The following IFI16 variants were observed in gnomAD, a reference collection of about 807,000 sequenced individuals.
The protein encoded by IFI16 is interferon gamma inducible protein 16, also known as gamma-interferon-inducible protein 16.
In IFI16, 49 loss-of-function variants were observed where a neutral mutation model predicts 68.4. The ratio of observed to expected loss-of-function variants is 0.72; its 90% CI spans 0.57 to 0.91. The LOEUF is 0.91. Ranked by LOEUF, IFI16 falls within the 40% of genes least tolerant of loss-of-function variation. The pLI, the probability that IFI16 is intolerant of heterozygous loss-of-function variation, is 0.00. For missense variants in IFI16, 878 were observed against 942.9 expected, an observed-to-expected ratio of 0.93 and a Z score of 0.90; for synonymous variants, 307 against 315.0, an observed-to-expected ratio of 0.97 and a Z score of 0.27.
rs774823454 is a variant in IFI16 at position 159,051,779 on chromosome 1, T to G, written c.1766T>G (p.Phe589Cys). 1.2e-6 allele frequency: 2 copies of G among 1,613,944 alleles called. No homozygotes were observed. Among genetic ancestry groups the G allele is most frequent in the South Asian group, 2.2e-5 (2 of 91,082 alleles). ...EVMVLNATESFVYEPKEQKKM... is the reference protein window; with the variant it reads ...EVMVLNATESCVYEPKEQKKM... ...ATGGTGCTGAACGCAACAGAATCAT[T>G]TGTATATGAGCCCAAAGAGCAGAAG... The change falls in exon 10 of 12, where the codon TTT (phenylalanine) becomes TGT (cysteine). Residue 589 changes from phenylalanine to cysteine, a missense_variant. Around this residue, in one of 4 missense-constraint regions of IFI16, gnomAD observed 311 missense variants for 305.1 expected, o/e 1.02. Coordinates refer to ENST00000295809, the MANE Select transcript of IFI16 (RefSeq NM_001376587.1).
At chr1:159,025,149 C>T (rs1490318265) in intron 6 of IFI16, among the ~76,000 whole-genome samples, 1 of 152,130 alleles carries the variant, frequency 6.6e-6, no homozygotes. Context: ...TGTTGCATAT[C>T]CTGGGGCTTG....
chr1:159,008,117 A>C (rs1370517082), upstream of IFI16, among the ~76,000 whole-genome samples: 3 of 152,210 alleles, frequency 2.0e-5, no homozygotes, highest in Admixed American at 2.0e-4. Context: ...AGAAAGGTAA[A>C]ATAGTAAGCT....
chr1:159,036,941 T>C (rs1460591429), intron 7 of IFI16, among the ~76,000 whole-genome samples: 1 of 152,222 alleles, frequency 6.6e-6, no homozygotes, highest in Non-Finnish European at 1.5e-5. Flanking sequence ...TTGTTGTTAT[T>C]GTCCTGTTTG....
chr1:159,043,026 G>A (rs527260681), intron 7 of IFI16, among the ~76,000 whole-genome samples: 4 of 152,202 alleles, frequency 2.6e-5, no homozygotes, highest in East Asian at 1.9e-4. Flanking sequence ...AGCTGCCCCC[G>A]GCCCAGGTTG....
intron 6 of IFI16, among the ~76,000 whole-genome samples, chr1:159,025,349 T>C (rs925586506): frequency 1.3e-5 from 2 of 152,230 alleles, no homozygotes; most frequent in African/African-American, 4.8e-5. Context: ...AAACACCATT[T>C]TATATTTGAC....
At chr1:159,000,495 C>A (rs1652015191) in intron 1 of IFI16, 1 of 152,660 alleles carries the variant, frequency 6.6e-6, no homozygotes, top group African/African-American at 2.4e-5. Context: ...GCAAGATAGT[C>A]CTTCTTCCTG....
At position 159,018,388 on chromosome 1, in the gene IFI16, A is replaced by G. The variant is rs1439911877; in HGVS notation, c.709A>G (p.Thr237Ala). 2 of 1,614,076 alleles carry G rather than the reference A, an allele frequency of 1.2e-6. No individual in the cohort carries two copies. Among genetic ancestry groups the G allele is most frequent in the Non-Finnish European group, 1.7e-6 (2 of 1,180,014 alleles). Reference sequence around the variant, plus strand: ...GTTTCATGCTACAGTGGCTACACAGACACAGTTCTTCCATGTGAAGGTTTT... The same window carrying G: ...GTTTCATGCTACAGTGGCTACACAGGCACAGTTCTTCCATGTGAAGGTTTT... ...IMFHATVATQ[T>A]QFFHVKVLNT... The change falls in exon 5 of 12, where the codon ACA becomes GCA. Residue 237 changes from threonine to alanine, a missense_variant. By Grantham distance (58) the Thr-to-Ala change is moderately conservative. This residue lies in a region of IFI16 where 443 missense variants were observed against 421.8 expected (regional missense o/e 1.05). Transcript: ENST00000295809.
In IFI16 at chr1:159,014,852, G is replaced by C; in HGVS notation, c.172G>C (p.Gly58Arg). 1 of 1,614,036 alleles carries C rather than the reference G, an allele frequency of 6.2e-7. No homozygotes were observed. The highest frequency in any genetic ancestry group is 8.5e-7 in the Non-Finnish European group (1 of 1,179,928). Residue 58 changes from glycine (G) to arginine (R), a missense_variant, in exon 2 of 12, where the codon GGT becomes CGT. Gly to Arg is a moderately radical substitution (Grantham distance 125, BLOSUM62 -2). This residue lies in a region of IFI16 where 65 missense variants were observed against 96.9 expected (regional missense o/e 0.67). Transcript: ENST00000295809. ...TGACTTGATGGAAGAAAAGTTCCGA[G>C]GTGATGCTGGTTTGGGCAAACTAAT... ...IADLMEEKFR[G>R]DAGLGKLIKI...
intron 7 of IFI16, among the ~76,000 whole-genome samples, chr1:159,044,435 T>G (rs1654857313): frequency 6.6e-6 from 1 of 152,148 alleles, no homozygotes; most frequent in African/African-American, 2.4e-5. Context: ...TCAGTGGTGG[T>G]CAGAGACTGT....
At chr1:159,032,392 A>C in intron 6 of IFI16, 132 bp from the exon 7 acceptor site, 1 of 537,160 alleles carries the variant, frequency 1.9e-6, no homozygotes, top group East Asian at 3.3e-5. Context: ...GGAGGGATAC[A>C]TTAGAGAGAG....
chr1:159,013,647 C>G (rs1652725611), intron 1 of IFI16, among the ~76,000 whole-genome samples: 1 of 152,158 alleles, frequency 6.6e-6, no homozygotes, highest in African/African-American at 2.4e-5. Context: ...ACTCTGAAAT[C>G]TACCATGAGA....
intron 6 of IFI16, among the ~76,000 whole-genome samples, chr1:159,025,131 A>G (rs987185404): frequency 6.6e-6 from 1 of 152,218 alleles, no homozygotes. Context: ...AAATAAGCAT[A>G]TAATTTTTGT....
chr1:159,007,103 G>T (rs1557859180), upstream of IFI16, among the ~76,000 whole-genome samples: 5 of 152,326 alleles, frequency 3.3e-5, no homozygotes, highest in South Asian at 8.3e-4. Context: ...GATAAACTTT[G>T]ACTTCTAATT....
chr1:159,004,365 TAAGTAA>T (rs1022278151), upstream of IFI16, among the ~76,000 whole-genome samples: 1 of 152,030 alleles, frequency 6.6e-6, no homozygotes, highest in African/African-American at 2.4e-5. Flanking sequence ...CCCTTATTGC[TAAGTAA>T]ATCTGAGTAA....
intron 7 of IFI16, among the ~76,000 whole-genome samples, chr1:159,037,621 A>G (rs1654405629): frequency 6.6e-6 from 1 of 152,236 alleles, no homozygotes; most frequent in African/African-American, 2.4e-5. Context: ...AACGAAATCT[A>G]CAATCTGCTG....
rs1653245987 is a variant in IFI16, at chr1:159,020,528, A to C, written c.1160A>C (p.Gln387Pro). Residue 387 changes from glutamine (Q) to proline (P), a missense_variant and splice_region_variant, in exon 6 of 12, where the codon CAG (glutamine) becomes CCG (proline). By Grantham distance (76) the Gln-to-Pro change is moderately conservative. Around this residue, in one of 4 missense-constraint regions of IFI16, gnomAD observed 443 missense variants for 421.8 expected, o/e 1.05. Transcript: ENST00000295809. Reference protein sequence around the residue: ...KLISEMHSFIQIKKKTNPRNN... With the variant: ...KLISEMHSFIPIKKKTNPRNN... ...ATTTCAGAAATGCATAGTTTTATCC[A>C]GGTAAGAATTAAATAGGCAAATATT... is the stretch of plus-strand genomic sequence containing the variant. 1 of 1,595,218 alleles carries C rather than the reference A, an allele frequency of 6.3e-7. No individual in the cohort carries two copies. Among genetic ancestry groups the C allele is most frequent in the East Asian group, 2.2e-5 (1 of 44,692 alleles).
At chr1:159,044,577 C>T (rs1654866653) in intron 7 of IFI16, among the ~76,000 whole-genome samples, 1 of 152,022 alleles carries the variant, frequency 6.6e-6, no homozygotes, top group South Asian at 2.1e-4. Flanking sequence ...GCCACATTGG[C>T]CAAATAGGAT....
chr1:159,024,174 G>A (rs1653508193), intron 6 of IFI16, among the ~76,000 whole-genome samples: 1 of 152,160 alleles, frequency 6.6e-6, no homozygotes. Flanking sequence ...TTGTCTTAAT[G>A]GCTAAGGTCT....
At chr1:159,018,757 GGAC>G in intron 5 of IFI16, 106 bp downstream of exon 5, 1 of 782,976 alleles carries the variant, frequency 1.3e-6, no homozygotes, top group Non-Finnish European at 2.1e-6. Flanking sequence ...TTAGAATCCA[GGAC>G]TCTGAAGACT....
Sources: gnomAD v4.1 joint callset for allele counts (sites outside exome capture counted in the v4.1 genomes callset) on GRCh38, gnomAD v4.1.1 for gene constraint, gnomAD v4.1.1 regional missense constraint, MANE v1.5 for transcripts, NCBI Gene and HGNC (gene_info 2026-07-23, HGNC 2026-07-21) for gene names.